TMTC1: variants seen among roughly 807,000 people sequenced by gnomAD.
The protein encoded by TMTC1 is transmembrane O-mannosyltransferase targeting cadherins 1, also known as protein O-mannosyl-transferase TMTC1.
Under a neutral mutation model 104.8 loss-of-function variants are expected in TMTC1, and 73 were observed. The ratio of observed to expected loss-of-function variants is 0.70; its 90% confidence interval spans 0.58 to 0.85. The LOEUF (loss-of-function observed/expected upper bound fraction) is 0.85. Among genes scored for constraint, TMTC1 ranks in the 40% least tolerant of loss-of-function variants. TMTC1 has a pLI of 0.00. For missense variants in TMTC1, 1,035 were observed against 1,096.1 expected, an observed-to-expected ratio of 0.94 and a Z score of 0.79; for synonymous variants, 434 against 428.7, an observed-to-expected ratio of 1.01 and a Z score of -0.15.
intron 6 of TMTC1, among the ~76,000 whole-genome samples, chr12:29,631,956 C>T (rs957668781): frequency 1.9e-4 from 29 of 152,174 alleles, no homozygotes; most frequent in Middle Eastern, 3.2e-3. Context: ...AACTCGTGCA[C>T]GCATTGAAGA....
At chr12:29,669,104 A>G (rs1158736899) in intron 5 of TMTC1, among the ~76,000 whole-genome samples, 4 of 81,588 alleles carry the variant, frequency 4.9e-5, no homozygotes, top group African/African-American at 2.9e-4. Flanking sequence ...GGGACAGATG[A>G]GGATGCTCCA....
intron 8 of TMTC1, among the ~76,000 whole-genome samples, chr12:29,572,906 TGAG>T (rs1460304279): frequency 6.6e-5 from 10 of 152,232 alleles, no homozygotes; most frequent in Non-Finnish European, 1.0e-4. Flanking sequence ...TTTCATAAAA[TGAG>T]AATAGCTCAT....
intron 7 of TMTC1, among the ~76,000 whole-genome samples, chr12:29,601,656 C>T (rs868598474): frequency 6.6e-6 from 1 of 152,138 alleles, no homozygotes; most frequent in Non-Finnish European, 1.5e-5. Flanking sequence ...TCCAGCTCTG[C>T]CACTCACCAG....
intron 7 of TMTC1, among the ~76,000 whole-genome samples, chr12:29,593,909 G>C (rs749708059): frequency 3.3e-5 from 5 of 152,226 alleles, no homozygotes; most frequent in Non-Finnish European, 7.3e-5. Flanking sequence ...CATAAGCGTA[G>C]TTGAACCATT....
intron 1 of TMTC1, among the ~76,000 whole-genome samples, chr12:29,778,772 A>G (rs549634629): frequency 5.3e-5 from 8 of 152,364 alleles, no homozygotes; most frequent in Non-Finnish European, 1.2e-4. Context: ...AACCAGAGCC[A>G]CCATGAGTGA....
At chr12:29,717,699 A>G (rs1942123649) in intron 5 of TMTC1, among the ~76,000 whole-genome samples, 1 of 152,232 alleles carries the variant, frequency 6.6e-6, no homozygotes, top group African/African-American at 2.4e-5. Flanking sequence ...AGGTCATACT[A>G]TTCCAAAACA....
intron 9 of TMTC1, among the ~76,000 whole-genome samples, chr12:29,564,144 G>A (rs969804346): frequency 6.6e-6 from 1 of 152,180 alleles, no homozygotes; most frequent in South Asian, 2.1e-4. Context: ...AGAATGGAAA[G>A]GAGGAAAATA....
rs143683431 is a variant in TMTC1 at position 29,585,482 on chromosome 12, G to T, written c.1251-1908C>A. 5.3e-3 allele frequency among the ~76,000 whole-genome samples: 814 copies of T among 152,168 alleles called. 10 individuals carry two copies. Among genetic ancestry groups the T allele is most frequent in the African/African-American group, 0.018 (758 of 41,528 alleles). ...TGTCAATTTTGGCTTTTGTTGCCAT[G>T]GCTTTTGGTGTTTTAGACATGAAGT... On this transcript the variant is annotated intron_variant, in intron 7 of 17. Coordinates refer to ENST00000539277, the MANE Select transcript of TMTC1 (RefSeq NM_001193451.2).
intron 3 of TMTC1, 143 bp downstream of exon 3, chr12:29,758,561 C>CA (rs1943269293): frequency 1.2e-6 from 1 of 822,972 alleles, no homozygotes; most frequent in Admixed American, 2.0e-5. Context: ...ACTGGACAAG[C>CA]AGAGAGTTTC....
intron 5 of TMTC1, among the ~76,000 whole-genome samples, chr12:29,736,337 A>G (rs1160889812): frequency 6.6e-6 from 1 of 151,708 alleles, no homozygotes; most frequent in East Asian, 1.9e-4. Flanking sequence ...TTATTTTTTC[A>G]TACTCCCCTG....
intron 6 of TMTC1, among the ~76,000 whole-genome samples, chr12:29,630,194 A>T (rs995878263): frequency 3.3e-5 from 5 of 152,176 alleles, no homozygotes; most frequent in Non-Finnish European, 5.9e-5. Flanking sequence ...TTATGCTGCT[A>T]TGAAGAAATA....
chr12:29,620,107 G>T (rs1947091614), intron 6 of TMTC1, among the ~76,000 whole-genome samples: 1 of 152,304 alleles, frequency 6.6e-6, no homozygotes, highest in Non-Finnish European at 1.5e-5. Context: ...AATGGAGACA[G>T]GATCCCTCAT....
At chr12:29,706,224 T>C (rs148405098) in intron 5 of TMTC1, among the ~76,000 whole-genome samples, 2,543 of 152,260 alleles carry the variant, frequency 0.017, 32 homozygotes, top group Middle Eastern at 0.034. Flanking sequence ...AAGAAAAGCT[T>C]CCTTGAGAGG....
chr12:29,504,730 T>A lies in TMTC1; in HGVS notation c.*2116A>T, dbSNP rs1241537120. On this transcript the variant is annotated 3_prime_UTR_variant, in exon 18 of 18. Transcript: ENST00000539277. Reference sequence around the variant, plus strand: ...TCACCATTTCTGTTATTCCAACAAATGTACTCTCCTACCTTTATTAGCACT... The same window carrying A: ...TCACCATTTCTGTTATTCCAACAAAAGTACTCTCCTACCTTTATTAGCACT... 1.3e-5 allele frequency: 2 copies of A among 152,230 alleles called. No homozygotes were observed. The highest frequency in any genetic ancestry group is 2.9e-5 in the Non-Finnish European group (2 of 68,046). The allele number at this position is 152,230 out of a possible 1,614,324, so 9.4% of individuals were successfully genotyped here. A position where few individuals can be genotyped will look rare whatever the true frequency, so the allele number is the denominator to read the frequency against.
chr12:29,749,679 A>C (rs1592007656), intron 5 of TMTC1, among the ~76,000 whole-genome samples: 1 of 151,878 alleles, frequency 6.6e-6, no homozygotes, highest in East Asian at 1.9e-4. Context: ...TGGGAATTTC[A>C]TGCATTATTA....
intron 5 of TMTC1, among the ~76,000 whole-genome samples, chr12:29,733,349 G>A (rs1942593223): frequency 6.6e-6 from 1 of 151,920 alleles, no homozygotes. Flanking sequence ...AATCCTGAGG[G>A]GGTAACTGCG....
intron 2 of TMTC1, among the ~76,000 whole-genome samples, chr12:29,763,574 G>A (rs1190580708): frequency 6.6e-6 from 1 of 152,194 alleles, no homozygotes; most frequent in Non-Finnish European, 1.5e-5. Flanking sequence ...CTGGTGGGGA[G>A]TCAAAAGAGG....
At chr12:29,627,290 G>T (rs1166621193) in intron 6 of TMTC1, among the ~76,000 whole-genome samples, 1 of 151,834 alleles carries the variant, frequency 6.6e-6, no homozygotes, top group Non-Finnish European at 1.5e-5. Context: ...TTAAAAAATG[G>T]GCAAAGACCT....
intron 6 of TMTC1, among the ~76,000 whole-genome samples, chr12:29,617,536 CAGAGAGAG>C (rs145115277): frequency 1.4e-4 from 19 of 134,940 alleles, no homozygotes; most frequent in Non-Finnish European, 2.6e-4. Context: ...AAACAGACAA[CAGAGAGAG>C]AGAGAGAGAG....
Sources: gnomAD v4.1 joint callset for allele counts (sites outside exome capture counted in the v4.1 genomes callset) on GRCh38, gnomAD v4.1.1 for gene constraint, MANE v1.5 for transcripts, NCBI Gene and HGNC (gene_info 2026-07-23, HGNC 2026-07-21) for gene names.